The following TBL1X variants were observed in gnomAD, a reference collection of about 807,000 sequenced individuals.
TBL1X encodes transducin beta like 1 X-linked.
In TBL1X, 10 loss-of-function variants were observed where a neutral mutation model predicts 50.7. The ratio of observed to expected loss-of-function variants is 0.20; its 90% CI spans 0.12 to 0.33. The LOEUF (loss-of-function observed/expected upper bound fraction) is 0.33, where lower values mean the gene tolerates loss of function less well. TBL1X is among the 10% of genes least tolerant of loss of function. The probability of loss-of-function intolerance (pLI) is 1.00; values close to 1 mark genes in which losing one functional copy is unlikely to be tolerated. For synonymous variants in TBL1X, 190 were observed against 214.7 expected (o/e 0.88, Z 1.01); for missense variants, 340 against 504.4 (o/e 0.67, Z 3.12).
intron 13 of TBL1X, among the ~76,000 whole-genome samples, chrX:9,707,273 CT>C (rs1377368184): frequency 9.0e-6 from 1 of 111,608 alleles, no homozygotes; most frequent in Admixed American, 9.5e-5. Context: ...AAGGAAGGCG[CT>C]TTTAGAGCAC....
At chrX:9,489,193 C>A (rs1429838544) in intron 1 of TBL1X, among the ~76,000 whole-genome samples, 1 of 109,616 alleles carries the variant, frequency 9.1e-6, no homozygotes, top group Non-Finnish European at 1.9e-5. Context: ...GGAATGAGAC[C>A]ACCATGAAGC....
chrX:9,600,475 G>GGGGGGGGGGA (rs1555899127), intron 2 of TBL1X, among the ~76,000 whole-genome samples: 1 of 73,674 alleles, frequency 1.4e-5, no homozygotes, highest in African/African-American at 5.7e-5. Context: ...TGGGCGGGGG[G>GGGGGGGGGGA]GGGGGTACAC....
chrX:9,495,098 A>G (rs758644842), intron 1 of TBL1X, among the ~76,000 whole-genome samples: 9 of 111,276 alleles, frequency 8.1e-5, no homozygotes, highest in South Asian at 7.5e-4. Context: ...GGAAAGGTTC[A>G]TCTCTGTCCC....
intron 5 of TBL1X, among the ~76,000 whole-genome samples, chrX:9,676,970 G>A (rs1011856764): frequency 1.8e-5 from 2 of 111,570 alleles, no homozygotes; most frequent in African/African-American, 6.5e-5. Flanking sequence ...TAGTGAATTC[G>A]CCCCACAGAT....
chrX:9,595,020 A>T (rs1205515644), intron 2 of TBL1X, among the ~76,000 whole-genome samples: 1 of 111,951 alleles, frequency 8.9e-6, no homozygotes, highest in African/African-American at 3.3e-5. Context: ...CGCTGGGTCA[A>T]CTACCAGTCT....
intron 12 of TBL1X, among the ~76,000 whole-genome samples, chrX:9,700,163 C>CA (rs2083160396): frequency 8.9e-6 from 1 of 112,013 alleles, no homozygotes; most frequent in Non-Finnish European, 1.9e-5. Flanking sequence ...GGAGTTCCGT[C>CA]ACGTTTGGCT....
chrX:9,538,032 G>A (rs527866676), intron 2 of TBL1X, among the ~76,000 whole-genome samples: 1 of 112,162 alleles, frequency 8.9e-6, no homozygotes, highest in East Asian at 2.8e-4. Flanking sequence ...AGCTTTGGAA[G>A]TAACATGATG....
At chrX:9,698,580 G>C (rs2083147936) in intron 12 of TBL1X, among the ~76,000 whole-genome samples, 1 of 111,556 alleles carries the variant, frequency 9.0e-6, no homozygotes, top group Admixed American at 9.5e-5. Flanking sequence ...GTTTTTATTG[G>C]GGGTTGGCCG....
intron 2 of TBL1X, among the ~76,000 whole-genome samples, chrX:9,621,933 T>A (rs1201090097): frequency 2.7e-5 from 3 of 111,826 alleles, no homozygotes; most frequent in African/African-American, 9.8e-5. Context: ...GGAAAGTATA[T>A]CAGAATGACA....
chrX:9,576,567 C>T (rs746459661), intron 2 of TBL1X, among the ~76,000 whole-genome samples: 20 of 109,954 alleles, frequency 1.8e-4, no homozygotes, highest in Non-Finnish European at 3.8e-4. Flanking sequence ...TGTAAAGTTG[C>T]GGTGAACACC....
At chrX:9,497,773 C>CCTCTCTCTCTCT (rs1255795207) in intron 1 of TBL1X, among the ~76,000 whole-genome samples, 5 of 76,313 alleles carry the variant, frequency 6.6e-5, no homozygotes, top group Admixed American at 1.5e-4. Flanking sequence ...TCCCTCCCTC[C>CCTCTCTCTCTCT]CTCTCTCTCT....
At position 9,694,266 on chromosome X, in the gene TBL1X, A is replaced by G. The variant is rs140163053; in HGVS notation, c.1053+847A>G. Reference sequence around the variant, plus strand: ...AAAAAAAAAAAAGACGTGTTTTCACATGAATTTGTGTTTCTACAACAACTG... The same window carrying G: ...AAAAAAAAAAAAGACGTGTTTTCACGTGAATTTGTGTTTCTACAACAACTG... On this transcript the variant is annotated intron_variant, in intron 11 of 17. Coordinates refer to ENST00000645353, the MANE Select transcript of TBL1X (RefSeq NM_005647.4). Among the ~76,000 whole-genome samples the G allele has an allele frequency of 6.2e-3, 685 of 110,261 alleles. 6 individuals are homozygous for G. The highest frequency in any genetic ancestry group is 0.021 in the African/African-American group (648 of 30,304).
At chrX:9,672,720 T>C (rs2082967428) in intron 5 of TBL1X, among the ~76,000 whole-genome samples, 1 of 111,636 alleles carries the variant, frequency 9.0e-6, no homozygotes. Flanking sequence ...CCATCCATAC[T>C]GATATTTTGA....
intron 16 of TBL1X, 125 bp downstream of exon 16, chrX:9,711,901 A>G: frequency 3.9e-6 from 3 of 760,921 alleles, no homozygotes; most frequent in Non-Finnish European, 5.4e-6. Flanking sequence ...CCCCGGGCAG[A>G]CCCAGTGGAT....
At chrX:9,613,326 C>A (rs781344033) in intron 2 of TBL1X, among the ~76,000 whole-genome samples, 1 of 111,452 alleles carries the variant, frequency 9.0e-6, no homozygotes, top group African/African-American at 3.3e-5. Flanking sequence ...CCAGCACTCT[C>A]CCGTCCCACC....
intron 2 of TBL1X, among the ~76,000 whole-genome samples, chrX:9,622,608 A>C (rs2082672892): frequency 9.0e-6 from 1 of 111,431 alleles, no homozygotes; most frequent in Non-Finnish European, 1.9e-5. Flanking sequence ...GGTGCGCGCC[A>C]CCACACCCTG....
At chrX:9,560,276 C>G (rs5979117) in intron 2 of TBL1X, among the ~76,000 whole-genome samples, 1 of 112,148 alleles carries the variant, frequency 8.9e-6, no homozygotes, top group East Asian at 2.8e-4. Flanking sequence ...GTTCAGTTAT[C>G]CTCTCTGTAC....
chrX:9,583,303 T>A (rs1403742968), intron 2 of TBL1X, among the ~76,000 whole-genome samples: 8 of 112,435 alleles, frequency 7.1e-5, no homozygotes, highest in African/African-American at 2.6e-4. Flanking sequence ...TAACCCAGAA[T>A]ACCTCATCTC....
chrX:9,686,200 G>A (rs190348829), intron 6 of TBL1X, among the ~76,000 whole-genome samples: 5 of 111,647 alleles, frequency 4.5e-5, no homozygotes, highest in East Asian at 2.8e-4. Context: ...AAACACACAC[G>A]TGTGTATCTA....
Sources: gnomAD v4.1 joint callset for allele counts (sites outside exome capture counted in the v4.1 genomes callset) on GRCh38, gnomAD v4.1.1 for gene constraint, MANE v1.5 for transcripts, NCBI Gene and HGNC (gene_info 2026-07-23, HGNC 2026-07-21) for gene names.